The following CREB5 variants were observed in gnomAD, a reference collection of about 807,000 sequenced individuals.
The protein encoded by CREB5 is cyclic AMP-responsive element-binding protein 5.
CREB5 carries 19 observed loss-of-function variants against 57.1 expected under a neutral mutation model. The ratio of observed to expected loss-of-function variants is 0.33; its 90% CI spans 0.23 to 0.49. The LOEUF is 0.49. CREB5 is among the 20% of genes least tolerant of loss of function. CREB5 has a pLI of 0.99. For synonymous variants in CREB5, 238 were observed against 238.3 expected, an observed-to-expected ratio of 1.00 and a Z score of 0.01; for missense variants, 579 against 671.6, an observed-to-expected ratio of 0.86 and a Z score of 1.52.
intron 4 of CREB5, among the ~76,000 whole-genome samples, chr7:28,546,607 T>G (rs1354450519): frequency 4.6e-5 from 7 of 152,250 alleles, no homozygotes; most frequent in Non-Finnish European, 1.0e-4. Context: ...GAGAGGGATG[T>G]GCATAGATCT....
intron 5 of CREB5, among the ~76,000 whole-genome samples, chr7:28,617,287 C>T (rs1204136240): frequency 1.3e-5 from 2 of 152,186 alleles, no homozygotes; most frequent in Non-Finnish European, 2.9e-5. Flanking sequence ...ATCTGTGATC[C>T]CTCCTTCTCA....
rs150490371 is a variant in CREB5, at chr7:28,355,128, A to G, written c.-25+55687A>G. On this transcript the variant is annotated intron_variant, in intron 1 of 9. Transcript: ENST00000396299. ...ACTTGCAATTTTCTATTTCATTTTGACTGTGTATGCACTGCCTGGATTCTT... is the reference window on the plus strand; with the variant it reads ...ACTTGCAATTTTCTATTTCATTTTGGCTGTGTATGCACTGCCTGGATTCTT... Among the ~76,000 whole-genome samples the G allele has an allele frequency of 9.2e-5, 14 of 152,280 alleles. No homozygotes were observed. The East Asian group carries it at 2.5e-3, about 27-fold the overall frequency.
chr7:28,732,800 C>T (rs374947528), intron 7 of CREB5, among the ~76,000 whole-genome samples: 2 of 141,984 alleles, frequency 1.4e-5, no homozygotes, highest in South Asian at 2.2e-4. Context: ...GTGGGGCATT[C>T]GGGTAGACAG....
intron 4 of CREB5, chr7:28,513,707 G>A (rs569424669): frequency 6.6e-6 from 1 of 152,276 alleles, no homozygotes; most frequent in East Asian, 1.9e-4. Context: ...CCCACTCAGG[G>A]GAATGACTAA....
At chr7:28,642,987 T>TACACACGTAC (rs1798731210) in intron 5 of CREB5, among the ~76,000 whole-genome samples, 2 of 98,330 alleles carry the variant, frequency 2.0e-5, no homozygotes, top group African/African-American at 7.3e-5. Flanking sequence ...CACACACACA[T>TACACACGTAC]ACACACACAC....
intron 8 of CREB5, among the ~76,000 whole-genome samples, chr7:28,806,914 A>AAAGGAAACAGTT (rs1187118868): frequency 2.0e-5 from 3 of 152,202 alleles, no homozygotes; most frequent in Non-Finnish European, 4.4e-5. Context: ...ATAATTCACA[A>AAAGGAAACAGTT]AAGGAAACAG....
At chr7:28,331,792 T>A (rs2127986795) in intron 1 of CREB5, among the ~76,000 whole-genome samples, 1 of 145,072 alleles carries the variant, frequency 6.9e-6, no homozygotes, top group African/African-American at 2.6e-5. Context: ...GAGGTTGCAG[T>A]CAGGCGAGAT....
intron 7 of CREB5, among the ~76,000 whole-genome samples, chr7:28,727,085 A>T (rs925584796): frequency 6.6e-6 from 1 of 151,640 alleles, no homozygotes; most frequent in Non-Finnish European, 1.5e-5. Context: ...TTAATCTAGG[A>T]CATCCTAGAT....
intron 7 of CREB5, among the ~76,000 whole-genome samples, chr7:28,731,857 T>G (rs1803653377): frequency 6.6e-6 from 1 of 152,226 alleles, no homozygotes; most frequent in African/African-American, 2.4e-5. Flanking sequence ...CAATTCTCTA[T>G]GATTCTTCCA....
At chr7:28,540,945 T>C (rs1004538197) in intron 4 of CREB5, among the ~76,000 whole-genome samples, 6 of 152,176 alleles carry the variant, frequency 3.9e-5, no homozygotes, top group Non-Finnish European at 7.3e-5. Flanking sequence ...CTTGAAAACA[T>C]ACCCACTGAT....
chr7:28,547,229 A>G (rs1056826147), intron 4 of CREB5, among the ~76,000 whole-genome samples: 15 of 152,202 alleles, frequency 9.9e-5, no homozygotes, highest in African/African-American at 3.1e-4. Context: ...ATCTAGGTCA[A>G]TTTCCAGAAT....
intron 5 of CREB5, among the ~76,000 whole-genome samples, chr7:28,643,754 G>GC (rs1554279440): frequency 8.7e-5 from 8 of 91,612 alleles, no homozygotes; most frequent in East Asian, 6.4e-4. Flanking sequence ...TGGGAGGTGG[G>GC]GGGGGGCGGA....
chr7:28,415,268 G>A (rs941102795), intron 1 of CREB5, among the ~76,000 whole-genome samples: 8 of 152,146 alleles, frequency 5.3e-5, no homozygotes, highest in Admixed American at 3.9e-4. Context: ...GGAGGGCCTC[G>A]GATTGATAGA....
chr7:28,412,275 C>A (rs1787830297), upstream of CREB5, among the ~76,000 whole-genome samples: 1 of 152,198 alleles, frequency 6.6e-6, no homozygotes, highest in Non-Finnish European at 1.5e-5. Flanking sequence ...GCCATTATAA[C>A]CTAAATTTTC....
intron 1 of CREB5, among the ~76,000 whole-genome samples, chr7:28,397,775 G>A (rs1242520090): frequency 1.3e-5 from 2 of 152,086 alleles, no homozygotes; most frequent in Non-Finnish European, 2.9e-5. Flanking sequence ...TGTCCCATGT[G>A]TCTCATTTAA....
chr7:28,567,766 C>T (rs1042478756), intron 4 of CREB5, among the ~76,000 whole-genome samples: 8 of 151,884 alleles, frequency 5.3e-5, no homozygotes, highest in East Asian at 3.9e-4. Flanking sequence ...ATGGTTAGTA[C>T]GAGGGTAGGA....
At chr7:28,610,025 G>A (rs978082683) in intron 5 of CREB5, among the ~76,000 whole-genome samples, 2 of 152,182 alleles carry the variant, frequency 1.3e-5, no homozygotes, top group South Asian at 2.1e-4. Context: ...GCCTTCCAGG[G>A]CCTCTTAAGG....
chr7:28,483,442 A>G (rs565358055), intron 1 of CREB5, among the ~76,000 whole-genome samples: 228 of 152,322 alleles, frequency 1.5e-3, no homozygotes, highest in Admixed American at 3.3e-3. Context: ...ATGTGCTATT[A>G]GGATTTGTTA....
intron 4 of CREB5, among the ~76,000 whole-genome samples, chr7:28,518,301 G>A (rs1215560329): frequency 1.3e-5 from 2 of 152,188 alleles, no homozygotes; most frequent in African/African-American, 4.8e-5. Flanking sequence ...GGCTCTGCAA[G>A]CAGTCACTTC....
Sources: allele counts gnomAD v4.1 joint callset (sites outside exome capture counted in the v4.1 genomes callset), GRCh38; gene constraint gnomAD v4.1.1; transcripts MANE v1.5; gene names NCBI Gene and HGNC (gene_info 2026-07-23, HGNC 2026-07-21).